CHMP1A: variants seen among roughly 807,000 people sequenced by gnomAD.
CHMP1A encodes charged multivesicular body protein 1A, also known as VPS46 homolog A.
A neutral mutation model predicts 27.0 loss-of-function variants in CHMP1A; 17 were observed. The ratio of observed to expected loss-of-function variants is 0.63; its 90% CI spans 0.43 to 0.95. The LOEUF is 0.95. Among genes scored for constraint, CHMP1A ranks in the 40% least tolerant of loss-of-function variants. The probability of loss-of-function intolerance (pLI) is 0.00; values close to 1 mark genes in which losing one functional copy is unlikely to be tolerated. For synonymous variants in CHMP1A, 131 were observed against 107.5 expected, an observed-to-expected ratio of 1.22 and a Z score of -1.35; for missense variants, 275 against 264.0, an observed-to-expected ratio of 1.04 and a Z score of -0.29.
In CHMP1A at chr16:89,657,677, A is replaced by C; in HGVS notation, c.-89T>G. On this transcript the variant is annotated 5_prime_UTR_variant, in exon 1 of 7. Transcript: ENST00000397901. ...GTCCCGGCGGCGATCGAACCGACCAAGCTGCACCCGGCGGGGACTTCCGGG... is the reference window on the plus strand; with the variant it reads ...GTCCCGGCGGCGATCGAACCGACCACGCTGCACCCGGCGGGGACTTCCGGG... 1 of 1,560,640 alleles carries C rather than the reference A, an allele frequency of 6.4e-7. No individual in the cohort carries two copies. Among genetic ancestry groups the C allele is most frequent in the Non-Finnish European group, 8.7e-7 (1 of 1,143,746 alleles).
chr16:89,646,892 A>AC, intron 5 of CHMP1A, 178 bp from the exon 6 acceptor site: 24 of 236,856 alleles, frequency 1.0e-4, no homozygotes, highest in Middle Eastern at 4.3e-4. Flanking sequence ...CTGCCCCCCC[A>AC]CCCAGCCCCA....
chr16:89,651,788 C>T (rs542178071), intron 2 of CHMP1A, 142 bp from the exon 3 acceptor site: 32 of 763,272 alleles, frequency 4.2e-5, no homozygotes, highest in African/African-American at 3.0e-4. Flanking sequence ...CCCAGCACAC[C>T]GCAGGGAAGG....
At chr16:89,650,943 C>A (rs749911404) in intron 3 of CHMP1A, among the ~76,000 whole-genome samples, 1 of 152,216 alleles carries the variant, frequency 6.6e-6, no homozygotes, top group Non-Finnish European at 1.5e-5. Flanking sequence ...GCTCTGGACG[C>A]CCTCAGTGGG....
At chr16:89,646,178 C>A in intron 6 of CHMP1A, 91 bp from the exon 7 acceptor site, 1 of 1,216,028 alleles carries the variant, frequency 8.2e-7, no homozygotes, top group Non-Finnish European at 1.1e-6. Context: ...TTTTCCTCCT[C>A]AGTGTCCTGA....
In CHMP1A at chr16:89,647,445, C is replaced by G; in HGVS notation, c.253-114G>C. ...GAGCTGGGGCACCCCAACCCTGACC[C>G]ACAAAACCCCAACTCTGGGCTGAGC... On this transcript the variant is annotated intron_variant, in intron 4 of 6. Transcript: ENST00000397901. 3 of 932,704 alleles carry G rather than the reference C, an allele frequency of 3.2e-6. No individual in the cohort carries two copies. In the South Asian group the frequency reaches 5.0e-5, roughly 16 times the overall value. 57.8% of individuals were successfully genotyped at this position (932,704 alleles called of 1,614,324 possible).
chr16:89,644,509 A>T lies in CHMP1A; in HGVS notation c.*1557T>A, dbSNP rs2059758677. On this transcript the variant is annotated 3_prime_UTR_variant, in exon 7 of 7. Transcript: ENST00000397901. ...GAATGGGCCCCTCTCCTCAGTGCCCAAGGGGACAGGACTGAGGCAGCCCCA... is the reference window on the plus strand; with the variant it reads ...GAATGGGCCCCTCTCCTCAGTGCCCTAGGGGACAGGACTGAGGCAGCCCCA... 6.6e-6 allele frequency: 1 copy of T among 152,264 alleles called. No individual in the cohort carries two copies. The highest frequency in any genetic ancestry group is 1.9e-4 in the East Asian group (1 of 5,186). The allele number at this position is 152,264 out of a possible 1,614,324, so 9.4% of individuals were successfully genotyped here. A position where few individuals can be genotyped will look rare whatever the true frequency, so the allele number is the denominator to read the frequency against.
chr16:89,651,756 A>G (rs2059826203), intron 2 of CHMP1A, 110 bp from the exon 3 acceptor site: 8 of 1,001,482 alleles, frequency 8.0e-6, no homozygotes, highest in Non-Finnish European at 1.2e-5. Flanking sequence ...CAGGTTCCTA[A>G]GCCCCCATCA....
chr16:89,645,855 G>T lies in CHMP1A; in HGVS notation c.*211C>A. The stretch of plus-strand genomic sequence containing the variant: ...TCACAGAAATCACCCCCAGAAATTT[G>T]CAGAAACTCAACACCAGGACACAGA... On this transcript the variant is annotated 3_prime_UTR_variant, in exon 7 of 7. Transcript: ENST00000397901. The T allele has an allele frequency of 2.0e-6, 3 of 1,502,186 alleles. No individual in the cohort carries two copies. Among genetic ancestry groups the T allele is most frequent in the Non-Finnish European group, 2.7e-6 (3 of 1,116,630 alleles). 93.1% of individuals were successfully genotyped at this position (1,502,186 alleles called of 1,614,324 possible).
rs943952854 is a variant in CHMP1A at position 89,647,326 on chromosome 16, G to C, written c.258C>G (p.Thr86=). 8 of 1,608,594 alleles carry C rather than the reference G, an allele frequency of 5.0e-6. No homozygotes were observed. Among genetic ancestry groups the C allele is most frequent in the South Asian group, 3.3e-5 (3 of 90,874 alleles). The part of the protein sequence containing the change: ...VQTAVTMKGV[T]KNMAQVTKAL... The stretch of plus-strand genomic sequence containing the variant: ...CTTTGGTCACCTGGGCCATATTCTT[G>C]GTCACCTGAGACAGGAGAGAGCGCA... Residue 86 remains threonine, a synonymous_variant, in exon 5 of 7, where the codon ACC becomes ACG. Transcript: ENST00000397901.
intron 1 of CHMP1A, among the ~76,000 whole-genome samples, chr16:89,656,024 ATT>A: frequency 6.6e-6 from 1 of 151,960 alleles, no homozygotes; most frequent in South Asian, 2.1e-4. Context: ...TGGCCAGCAT[ATT>A]TTTTGTGGCG....
At position 89,649,926 on chromosome 16, in the gene CHMP1A, G is replaced by C. The variant is rs895964639; in HGVS notation, c.106-429C>G. ...GGCGGGCCTCTCCCCAGAAATGTTT[G>C]AGCTAAAAATGCAAACACCCAGGCC... On this transcript the variant is annotated intron_variant, in intron 3 of 6. Transcript: ENST00000397901. Among the ~76,000 whole-genome samples, 5 of 152,188 alleles carry C rather than the reference G, an allele frequency of 3.3e-5. No individual in the cohort carries two copies. In the East Asian group the frequency reaches 5.8e-4, roughly 18 times the overall value.
chr16:89,654,543 C>T (rs1169896314), intron 1 of CHMP1A, among the ~76,000 whole-genome samples: 1 of 152,200 alleles, frequency 6.6e-6, no homozygotes, highest in Non-Finnish European at 1.5e-5. Flanking sequence ...GTCGCTCACG[C>T]CTGTAATCAC....
At chr16:89,654,177 A>G (rs557124103) in intron 1 of CHMP1A, among the ~76,000 whole-genome samples, 8 of 152,350 alleles carry the variant, frequency 5.3e-5, no homozygotes, top group African/African-American at 1.9e-4. Flanking sequence ...TGTTGGGAAC[A>G]TGAGGGTGGT....
chr16:89,652,448 C>T (rs2059832559), intron 2 of CHMP1A, among the ~76,000 whole-genome samples: 3 of 150,306 alleles, frequency 2.0e-5, no homozygotes. Flanking sequence ...AACAGGGCCT[C>T]TGGCAACCCA....
rs1450218846 is a variant in CHMP1A at position 89,649,308 on chromosome 16, G to C, written c.252+43C>G. 4 of 1,596,016 alleles carry C rather than the reference G, an allele frequency of 2.5e-6. No individual in the cohort carries two copies. In the South Asian group the frequency reaches 4.4e-5, roughly 18 times the overall value. On this transcript the variant is annotated intron_variant, in intron 4 of 6. Transcript: ENST00000397901. The stretch of plus-strand genomic sequence containing the variant: ...GACCGCAGAGCCCATTCCTGCTTCA[G>C]CCAGCGAACGCCACCCATCCAGCAC...
chr16:89,649,344 C>G lies in CHMP1A; in HGVS notation c.252+7G>C. 1 of 1,610,606 alleles carries G rather than the reference C, an allele frequency of 6.2e-7. No homozygotes were observed. Among genetic ancestry groups the G allele is most frequent in the Admixed American group, 1.7e-5 (1 of 59,926 alleles). The stretch of plus-strand genomic sequence containing the variant: ...CCACCCATCCAGCACCAGGGCCCAG[C>G]ACTCACCCCCTTCATAGTCACAGCT... On this transcript the variant is annotated splice_region_variant and intron_variant, in intron 4 of 6. Transcript: ENST00000397901.
At chr16:89,647,505 G>A (rs550443128) in intron 4 of CHMP1A, among the ~76,000 whole-genome samples, 174 bp from the exon 5 acceptor site, 6 of 152,014 alleles carry the variant, frequency 3.9e-5, no homozygotes, top group African/African-American at 1.2e-4. Context: ...CCACCAACTC[G>A]ACGGAAAAGG....
At chr16:89,646,884 G>GGCCCCGCCC in intron 5 of CHMP1A, 170 bp from the exon 6 acceptor site, 2 of 709,060 alleles carry the variant, frequency 2.8e-6, no homozygotes, top group Non-Finnish European at 4.8e-6. Context: ...AGCCTTTCCT[G>GGCCCCGCCC]CCCCCCCACC....
At position 89,657,696 on chromosome 16, in the gene CHMP1A, T is replaced by C; in HGVS notation, c.-108A>G. 3 of 1,565,310 alleles carry C rather than the reference T, an allele frequency of 1.9e-6. No individual in the cohort carries two copies. In the South Asian group the frequency reaches 3.5e-5, roughly 18 times the overall value. On this transcript the variant is annotated 5_prime_UTR_variant, in exon 1 of 7. Coordinates refer to ENST00000397901, the MANE Select transcript of CHMP1A (RefSeq NM_002768.5). ...CGACCAAGCTGCACCCGGCGGGGAC[T>C]TCCGGGGTCGCCGCCCCACTTCCGG...
Sources: gnomAD v4.1 joint callset for allele counts (sites outside exome capture counted in the v4.1 genomes callset) on GRCh38, gnomAD v4.1.1 for gene constraint, MANE v1.5 for transcripts, NCBI Gene and HGNC (gene_info 2026-07-23, HGNC 2026-07-21) for gene names.